The following GALNT12 variants were observed in gnomAD, a reference collection of about 807,000 sequenced individuals.
The protein encoded by GALNT12 is polypeptide N-acetylgalactosaminyltransferase 12.
In GALNT12, 45 loss-of-function variants were observed where a neutral mutation model predicts 55.5. The ratio of observed to expected loss-of-function variants is 0.81; its 90% CI spans 0.64 to 1.04. The LOEUF is 1.04. Ranked by LOEUF, GALNT12 falls within the 50% of genes least tolerant of loss-of-function variation. The probability of loss-of-function intolerance (pLI) is 0.00; values close to 1 mark genes in which losing one functional copy is unlikely to be tolerated. For missense variants in GALNT12, 709 were observed against 754.8 expected, an observed-to-expected ratio of 0.94 and a Z score of 0.71; for synonymous variants, 304 against 312.2, an observed-to-expected ratio of 0.97 and a Z score of 0.28.
At chr9:98,823,090 T>C (rs1403276289) in intron 1 of GALNT12, among the ~76,000 whole-genome samples, 166 bp from the exon 2 acceptor site, 2 of 152,194 alleles carry the variant, frequency 1.3e-5, no homozygotes, top group African/African-American at 4.8e-5. Flanking sequence ...GGACCTTTCT[T>C]GGAGTCTGCT....
chr9:98,821,493 C>T (rs1166275690), intron 1 of GALNT12, among the ~76,000 whole-genome samples: 2 of 151,864 alleles, frequency 1.3e-5, no homozygotes, highest in Non-Finnish European at 2.9e-5. Flanking sequence ...GGTGTGGTGG[C>T]AGGCACTTGT....
chr9:98,814,135 C>A (rs1835560801), intron 1 of GALNT12, among the ~76,000 whole-genome samples: 1 of 152,072 alleles, frequency 6.6e-6, no homozygotes, highest in East Asian at 1.9e-4. Flanking sequence ...AGGCATGTAA[C>A]CTTCCCAGGG....
chr9:98,816,492 C>T (rs1184234475), intron 1 of GALNT12, among the ~76,000 whole-genome samples: 2 of 151,890 alleles, frequency 1.3e-5, no homozygotes, highest in Non-Finnish European at 2.9e-5. Flanking sequence ...ACATTGAATG[C>T]ACCTCACTTT....
At chr9:98,825,503 CA>C (rs1199133087) in intron 2 of GALNT12, among the ~76,000 whole-genome samples, 4 of 152,200 alleles carry the variant, frequency 2.6e-5, no homozygotes, top group Non-Finnish European at 4.4e-5. Flanking sequence ...CAGGCCCTCT[CA>C]GATGCAGGGA....
In GALNT12 at chr9:98,837,276, A is replaced by AG. The variant is rs1393334875; in HGVS notation, c.1212+132dup. 43 of 872,982 alleles carry AG rather than the reference A, an allele frequency of 4.9e-5. 1 individual carries two copies. The highest frequency in any genetic ancestry group is 9.7e-6 in the Non-Finnish European group (5 of 514,404). 54.1% of individuals were successfully genotyped at this position (872,982 alleles called of 1,614,324 possible). On this transcript the variant is annotated intron_variant, in intron 6 of 9. Transcript: ENST00000375011. ...TAAATTGGGTGCTCAGATACGAGTA[A>AG]GGGGAGAATTTATTCCTCCATTTAT...
At chr9:98,835,514 A>T in intron 5 of GALNT12, 148 bp downstream of exon 5, 1 of 742,592 alleles carries the variant, frequency 1.3e-6, no homozygotes. Context: ...TTAGCTTTTT[A>T]AAAAGTGTAC....
intron 1 of GALNT12, among the ~76,000 whole-genome samples, chr9:98,817,306 TCAACA>T (rs1257516248): frequency 2.0e-5 from 3 of 152,182 alleles, no homozygotes; most frequent in Non-Finnish European, 4.4e-5. Flanking sequence ...GAGCTACAAC[TCAACA>T]CAATCTAGCT....
intron 7 of GALNT12, among the ~76,000 whole-genome samples, chr9:98,842,808 TA>T (rs71498708): frequency 2.6e-5 from 4 of 151,264 alleles, no homozygotes; most frequent in East Asian, 1.9e-4. Context: ...GTAACCATAT[TA>T]AAAAAAAAGT....
intron 1 of GALNT12, among the ~76,000 whole-genome samples, chr9:98,808,352 A>T (rs563579938): frequency 6.6e-6 from 1 of 152,304 alleles, no homozygotes; most frequent in South Asian, 2.1e-4. Flanking sequence ...GGTGAGGGTC[A>T]GGGCTAAGCA....
chr9:98,844,720 C>G (rs1836373721), intron 8 of GALNT12, among the ~76,000 whole-genome samples: 1 of 152,134 alleles, frequency 6.6e-6, no homozygotes, highest in Non-Finnish European at 1.5e-5. Context: ...CATAGGGCCA[C>G]CTTGCAAGGT....
rs377725432 is a variant in GALNT12 at position 98,811,787 on chromosome 9, A to G, written c.371+3718A>G. On this transcript the variant is annotated intron_variant, in intron 1 of 9. Transcript: ENST00000375011. Reference sequence around the variant, plus strand: ...AACCTCCACCTCCTGGGTTCAAGCCATTCTCCTGCCTCAGCCTCCCGAGTA... The same window carrying G: ...AACCTCCACCTCCTGGGTTCAAGCCGTTCTCCTGCCTCAGCCTCCCGAGTA... Among the ~76,000 whole-genome samples the G allele has an allele frequency of 4.7e-5, 7 of 148,518 alleles. No homozygotes were observed. In the East Asian group the frequency reaches 8.0e-4, roughly 17 times the overall value.
At chr9:98,829,361 G>A (rs936770625) in intron 3 of GALNT12, among the ~76,000 whole-genome samples, 1 of 151,300 alleles carries the variant, frequency 6.6e-6, no homozygotes, top group African/African-American at 2.4e-5. Flanking sequence ...GCTAATTTTT[G>A]CATTTTTAGT....
chr9:98,826,923 TG>T lies in GALNT12; in HGVS notation c.715del (p.Glu239SerfsTer18). 6.4e-7 allele frequency: 1 copy of T among 1,564,858 alleles called. No homozygotes were observed. Among genetic ancestry groups the T allele is most frequent in the Non-Finnish European group, 8.7e-7 (1 of 1,154,648 alleles). On this transcript the variant is annotated frameshift_variant, in exon 3 of 10. Transcript: ENST00000375011. LOFTEE classifies it high-confidence loss of function. ...CACTGTGAGTGCCACGAAGGGTGGC[TG>T]GAGCCGCTGCTGCAGAGGTACGTGA... is the stretch of plus-strand genomic sequence containing the variant. ...DCHCECHEGW[L>X]EPLLQRIHEE...
At chr9:98,838,682 T>C (rs1028303865) in intron 6 of GALNT12, among the ~76,000 whole-genome samples, 6 of 152,222 alleles carry the variant, frequency 3.9e-5, no homozygotes, top group Non-Finnish European at 8.8e-5. Context: ...GCATGCTCCA[T>C]GGCAGGGTGC....
rs1289967555 is a variant in GALNT12 at position 98,826,895 on chromosome 9, T to A, written c.685T>A (p.Cys229Ser). 9 of 1,585,010 alleles carry A rather than the reference T, an allele frequency of 5.7e-6. No homozygotes were observed. The highest frequency in any genetic ancestry group is 7.7e-6 in the Non-Finnish European group (9 of 1,165,688). The change falls in exon 3 of 10, where the codon TGT (cysteine) becomes AGT (serine). Residue 229 changes from cysteine to serine, a missense_variant. Around this residue, in one of 5 missense-constraint regions of GALNT12, gnomAD observed 315 missense variants for 288.6 expected, o/e 1.09. Transcript: ENST00000375011. ...ARGDVLTFLDCHCECHEGWLE... is the reference protein window; with the variant it reads ...ARGDVLTFLDSHCECHEGWLE... ...GGGCGATGTTCTGACCTTCCTGGAC[T>A]GTCACTGTGAGTGCCACGAAGGGTG...
intron 1 of GALNT12, among the ~76,000 whole-genome samples, chr9:98,808,391 A>T (rs1835424313): frequency 6.6e-6 from 1 of 152,086 alleles, no homozygotes; most frequent in African/African-American, 2.4e-5. Context: ...ACCCCCCAGC[A>T]CCCAAAGGAC....
At position 98,849,067 on chromosome 9, in the gene GALNT12, G is replaced by C. The variant is rs780798931; in HGVS notation, c.1721G>C (p.Trp574Ser). 3.1e-6 allele frequency: 5 copies of C among 1,614,198 alleles called. No homozygotes were observed. The highest frequency in any genetic ancestry group is 1.1e-5 in the South Asian group (1 of 91,090). Residue 574 changes from tryptophan (W) to serine (S), a missense_variant, in exon 10 of 10, where the codon TGG becomes TCG. Physicochemically the swap from Trp to Ser is radical, Grantham distance 177. Coordinates refer to ENST00000375011, the MANE Select transcript of GALNT12 (RefSeq NM_024642.5). Reference sequence around the variant, plus strand: ...TGCACCAACTCGGATCATCAGAAATGGTTCTTCAAAGAGCGCATGTTATGA... The same window carrying C: ...TGCACCAACTCGGATCATCAGAAATCGTTCTTCAAAGAGCGCATGTTATGA... ...RDCTNSDHQK[W>S]FFKERML
At chr9:98,848,277 C>G (rs10435902) in intron 9 of GALNT12, among the ~76,000 whole-genome samples, 5,156 of 152,260 alleles carry the variant, frequency 0.034, 214 homozygotes, top group East Asian at 0.13. Context: ...GTTTGCTGCT[C>G]AGCCATGATT....
At position 98,849,101 on chromosome 9, in the gene GALNT12, G is replaced by C; in HGVS notation, c.*9G>C. 2 of 1,614,108 alleles carry C rather than the reference G, an allele frequency of 1.2e-6. No homozygotes were observed. The highest frequency in any genetic ancestry group is 1.7e-6 in the Non-Finnish European group (2 of 1,179,972). On this transcript the variant is annotated 3_prime_UTR_variant, in exon 10 of 10. Transcript: ENST00000375011. ...AAGAGCGCATGTTATGAAGCCTCGTGTATCAAGGAGCCCATCGAAGGAGAC... is the reference window on the plus strand; with the variant it reads ...AAGAGCGCATGTTATGAAGCCTCGTCTATCAAGGAGCCCATCGAAGGAGAC...
Sources: gnomAD v4.1 joint callset for allele counts (sites outside exome capture counted in the v4.1 genomes callset) on GRCh38, gnomAD v4.1.1 for gene constraint, gnomAD v4.1.1 regional missense constraint, MANE v1.5 for transcripts, NCBI Gene and HGNC (gene_info 2026-07-23, HGNC 2026-07-21) for gene names.